The following CNTNAP2 variants were observed in gnomAD, a reference collection of about 807,000 sequenced individuals.
CNTNAP2 encodes contactin associated protein 2, also known as contactin-associated protein-like 2.
A neutral mutation model predicts 155.2 loss-of-function variants in CNTNAP2; 98 were observed. That is an observed-to-expected ratio of 0.63 (90% CI 0.54 to 0.75). The LOEUF (loss-of-function observed/expected upper bound fraction) is 0.75. Among genes scored for constraint, CNTNAP2 ranks in the 30% least tolerant of loss-of-function variants. CNTNAP2 has a pLI of 0.00. For missense variants in CNTNAP2, 1,727 were observed against 1,688.1 expected, an observed-to-expected ratio of 1.02 and a Z score of -0.40; for synonymous variants, 651 against 631.2, an observed-to-expected ratio of 1.03 and a Z score of -0.47.
chr7:146,592,312 G>A (rs866615804), intron 1 of CNTNAP2, among the ~76,000 whole-genome samples: 1 of 152,222 alleles, frequency 6.6e-6, no homozygotes, highest in African/African-American at 2.4e-5. Context: ...ATGCAAAGAA[G>A]ATCTGGACAA....
At chr7:147,329,384 G>A (rs908596234) in intron 9 of CNTNAP2, among the ~76,000 whole-genome samples, 3 of 151,664 alleles carry the variant, frequency 2.0e-5, no homozygotes, top group African/African-American at 7.3e-5. Flanking sequence ...ATACATTCTT[G>A]TAATTTATAT....
intron 20 of CNTNAP2, among the ~76,000 whole-genome samples, chr7:148,266,153 T>G (rs1308773799): frequency 6.6e-6 from 1 of 152,218 alleles, no homozygotes; most frequent in Non-Finnish European, 1.5e-5. Flanking sequence ...TGTGCTTTCT[T>G]ATAACCCGCA....
chr7:146,463,420 A>G (rs1796667839), intron 1 of CNTNAP2, among the ~76,000 whole-genome samples: 1 of 152,076 alleles, frequency 6.6e-6, no homozygotes, highest in Non-Finnish European at 1.5e-5. Flanking sequence ...TTCAGTATAA[A>G]TGAATGTTTC....
intron 8 of CNTNAP2, among the ~76,000 whole-genome samples, chr7:147,140,473 C>T (rs2129287142): frequency 6.6e-6 from 1 of 152,162 alleles, no homozygotes; most frequent in East Asian, 1.9e-4. Flanking sequence ...ATAACTTCCT[C>T]TTGCCTATGA....
chr7:146,131,052 C>G lies in CNTNAP2; in HGVS notation c.97+14079C>G, dbSNP rs1191987559. ...AGAGCCAAACCATATCAATCGCTGACTTTAAAGAAAACGAATAATATTGTT... is the reference window on the plus strand; with the variant it reads ...AGAGCCAAACCATATCAATCGCTGAGTTTAAAGAAAACGAATAATATTGTT... On this transcript the variant is annotated intron_variant, in intron 1 of 23. Coordinates refer to ENST00000361727, the MANE Select transcript of CNTNAP2 (RefSeq NM_014141.6). 4.6e-5 allele frequency among the ~76,000 whole-genome samples: 7 copies of G among 152,272 alleles called. No homozygotes were observed. In the South Asian group the frequency reaches 1.0e-3, roughly 23 times the overall value.
chr7:146,153,698 CT>C (rs1798083761), intron 1 of CNTNAP2, among the ~76,000 whole-genome samples: 2 of 152,110 alleles, frequency 1.3e-5, no homozygotes, highest in African/African-American at 4.8e-5. Context: ...GTGCTTGGAT[CT>C]TTATTACTTT....
At chr7:148,024,437 T>C (rs1381716800) in intron 15 of CNTNAP2, among the ~76,000 whole-genome samples, 2 of 152,168 alleles carry the variant, frequency 1.3e-5, no homozygotes, top group Non-Finnish European at 2.9e-5. Context: ...AAACACAGTG[T>C]CTCCAAATGT....
intron 1 of CNTNAP2, among the ~76,000 whole-genome samples, chr7:146,328,302 T>G (rs1801128505): frequency 6.6e-6 from 1 of 152,098 alleles, no homozygotes; most frequent in African/African-American, 2.4e-5. Flanking sequence ...ATGGAAAAAT[T>G]GTCTTCTATG....
intron 3 of CNTNAP2, among the ~76,000 whole-genome samples, chr7:146,945,143 G>A (rs1166594615): frequency 6.6e-6 from 1 of 152,120 alleles, no homozygotes; most frequent in African/African-American, 2.4e-5. Flanking sequence ...ATTGCAATGG[G>A]CATCAGAACT....
chr7:146,216,154 G>A (rs1799109207), intron 1 of CNTNAP2, among the ~76,000 whole-genome samples: 1 of 152,114 alleles, frequency 6.6e-6, no homozygotes, highest in Non-Finnish European at 1.5e-5. Flanking sequence ...GCTCTTGCAG[G>A]CTGTCATGAA....
intron 10 of CNTNAP2, among the ~76,000 whole-genome samples, chr7:147,484,986 G>C (rs1418034206): frequency 6.6e-6 from 1 of 152,158 alleles, no homozygotes; most frequent in African/African-American, 2.4e-5. Context: ...ACAAAAATCA[G>C]GTTGTGGGGT....
intron 1 of CNTNAP2, among the ~76,000 whole-genome samples, chr7:146,120,051 A>G (rs1282078793): frequency 6.6e-6 from 1 of 151,874 alleles, no homozygotes; most frequent in African/African-American, 2.4e-5. Context: ...GTTGTTTACA[A>G]GTTTATAGAA....
chr7:147,957,765 T>TA (rs1194720943), intron 14 of CNTNAP2, among the ~76,000 whole-genome samples: 3 of 152,028 alleles, frequency 2.0e-5, no homozygotes, highest in African/African-American at 4.8e-5. Context: ...ATTGTATACG[T>TA]AAAAAAAGAT....
intron 4 of CNTNAP2, among the ~76,000 whole-genome samples, chr7:147,083,375 G>C (rs1800180236): frequency 6.6e-6 from 1 of 151,780 alleles, no homozygotes; most frequent in African/African-American, 2.4e-5. Flanking sequence ...ACTGTATTTT[G>C]CTTCTAGTGA....
intron 1 of CNTNAP2, among the ~76,000 whole-genome samples, chr7:146,470,345 TAA>T (rs1294541286): frequency 2.0e-5 from 3 of 151,950 alleles, no homozygotes; most frequent in African/African-American, 7.3e-5. Flanking sequence ...AAAGAAAAAA[TAA>T]AGAGATAATA....
At chr7:146,788,812 A>G (rs1802623129) in intron 2 of CNTNAP2, among the ~76,000 whole-genome samples, 1 of 152,004 alleles carries the variant, frequency 6.6e-6, no homozygotes, top group African/African-American at 2.4e-5. Context: ...TCATTTCAAG[A>G]CATCCACGTG....
intron 13 of CNTNAP2, among the ~76,000 whole-genome samples, chr7:147,862,791 C>T (rs1251698202): frequency 6.6e-6 from 1 of 152,078 alleles, no homozygotes; most frequent in Non-Finnish European, 1.5e-5. Flanking sequence ...CCTCAAACCA[C>T]TGATTGTATA....
At chr7:147,628,213 T>C (rs1307294902) in intron 12 of CNTNAP2, among the ~76,000 whole-genome samples, 2 of 152,130 alleles carry the variant, frequency 1.3e-5, no homozygotes, top group Non-Finnish European at 2.9e-5. Flanking sequence ...AAGGAAAGAA[T>C]CTTAAGAGCT....
At chr7:147,883,392 A>G (rs1452548003) in intron 13 of CNTNAP2, among the ~76,000 whole-genome samples, 1 of 152,216 alleles carries the variant, frequency 6.6e-6, no homozygotes, top group African/African-American at 2.4e-5. Flanking sequence ...TTTGATTTTA[A>G]TGCTGCTAAG....
Sources: gnomAD v4.1 joint callset for allele counts (sites outside exome capture counted in the v4.1 genomes callset) on GRCh38, gnomAD v4.1.1 for gene constraint, MANE v1.5 for transcripts, NCBI Gene and HGNC (gene_info 2026-07-23, HGNC 2026-07-21) for gene names.